STX8: variants seen among roughly 807,000 people sequenced by gnomAD.
STX8 encodes the protein syntaxin-8.
In STX8, 23 loss-of-function variants were observed where a neutral mutation model predicts 37.5. The observed-to-expected ratio is 0.61, with a 90% CI of 0.44 to 0.87. STX8 has a LOEUF of 0.87. Ranked by LOEUF, STX8 falls within the 40% of genes least tolerant of loss-of-function variation. STX8 has a pLI of 0.00. For synonymous variants in STX8, 115 were observed against 99.1 expected, an observed-to-expected ratio of 1.16 and a Z score of -0.95; for missense variants, 313 against 284.7, an observed-to-expected ratio of 1.10 and a Z score of -0.71.
At chr17:9,470,241 G>C (rs541796383) in intron 6 of STX8, among the ~76,000 whole-genome samples, 1 of 152,294 alleles carries the variant, frequency 6.6e-6, no homozygotes, top group East Asian at 1.9e-4. Flanking sequence ...AAACCGTTGA[G>C]ACCACATTAC....
Position 9,494,615 on chromosome 17 carries a change from CAAAAAAA to C in STX8, c.449-2701_449-2695del, listed in dbSNP as rs35806606. 4.4e-3 allele frequency among the ~76,000 whole-genome samples: 284 copies of C among 64,308 alleles called. 3 individuals are homozygous for C. The highest frequency in any genetic ancestry group is 0.016 in the African/African-American group (272 of 17,222). 42.2% of individuals were successfully genotyped at this position (64,308 alleles called of 152,430 possible). On this transcript the variant is annotated intron_variant, in intron 5 of 7. Coordinates refer to ENST00000306357, the MANE Select transcript of STX8 (RefSeq NM_004853.3). ...TGGGTAACAGAGTGAGAACCTGTCT[CAAAAAAA>C]AAAAAAAAAAAAAAAAAAAGATACA...
chr17:9,557,578 C>G, intron 2 of STX8, 50 bp from the exon 3 acceptor site: 1 of 1,530,038 alleles, frequency 6.5e-7, no homozygotes, highest in South Asian at 1.1e-5. Flanking sequence ...AATGTAGAAT[C>G]CACAAAATTA....
intron 7 of STX8, among the ~76,000 whole-genome samples, chr17:9,320,116 C>T (rs926627059): frequency 4.0e-5 from 6 of 151,792 alleles, no homozygotes; most frequent in African/African-American, 1.5e-4. Context: ...GGGCAGATCA[C>T]GAGGTCAGGA....
intron 4 of STX8, among the ~76,000 whole-genome samples, chr17:9,525,744 T>C (rs1371461196): frequency 1.3e-5 from 2 of 152,230 alleles, no homozygotes; most frequent in Non-Finnish European, 1.5e-5. Context: ...AGAGTTGTTT[T>C]GTGCAAGATA....
chr17:9,457,104 T>C (rs1905206736), intron 6 of STX8, among the ~76,000 whole-genome samples: 1 of 152,234 alleles, frequency 6.6e-6, no homozygotes, highest in Admixed American at 6.5e-5. Context: ...GCTGAGGTTC[T>C]GCAAAGTCAT....
At chr17:9,494,822 G>C (rs1952380938) in intron 5 of STX8, among the ~76,000 whole-genome samples, 1 of 151,808 alleles carries the variant, frequency 6.6e-6, no homozygotes, top group African/African-American at 2.4e-5. Flanking sequence ...TTGAACTGGG[G>C]GTCTCGGTCA....
intron 6 of STX8, among the ~76,000 whole-genome samples, chr17:9,474,834 T>C (rs1906032725): frequency 6.6e-6 from 1 of 151,924 alleles, no homozygotes; most frequent in African/African-American, 2.4e-5. Context: ...TAGCTGGGCG[T>C]GGTGGTGCAT....
At chr17:9,297,968 A>C (rs1275731199) in intron 7 of STX8, among the ~76,000 whole-genome samples, 1 of 152,214 alleles carries the variant, frequency 6.6e-6, no homozygotes. Context: ...TGTACCTAGC[A>C]AGGGTGGACC....
At position 9,254,407 on chromosome 17, in the gene STX8, C is replaced by CT. The variant is rs879587275; in HGVS notation, c.644-3763dup. ...GTTTCCATGGTAACTCTTATTAAAT[C>CT]TTTTTTTTTTTTGAGATGGAGTCTC... On this transcript the variant is annotated intron_variant, in intron 7 of 7. Transcript: ENST00000306357. Among the ~76,000 whole-genome samples, 184 of 147,062 alleles carry CT rather than the reference C, an allele frequency of 1.3e-3. 1 individual carries two copies. The highest frequency in any genetic ancestry group is 3.5e-3 in the East Asian group (18 of 5,078).
chr17:9,466,645 C>G (rs1234025335), intron 6 of STX8, among the ~76,000 whole-genome samples: 1 of 152,116 alleles, frequency 6.6e-6, no homozygotes, highest in Non-Finnish European at 1.5e-5. Flanking sequence ...GATATTAAAT[C>G]CCCAAATTCA....
At chr17:9,428,430 C>T (rs181575367) in intron 6 of STX8, among the ~76,000 whole-genome samples, 1,663 of 152,162 alleles carry the variant, frequency 0.011, 13 homozygotes, top group Non-Finnish European at 0.017. Flanking sequence ...TTAGTAGAGA[C>T]GGGGTTTCAC....
chr17:9,569,267 TA>T (rs1357794616), intron 1 of STX8, among the ~76,000 whole-genome samples: 3 of 152,152 alleles, frequency 2.0e-5, no homozygotes, highest in Admixed American at 6.5e-5. Flanking sequence ...AAGAAAGTCA[TA>T]AAACAATTAA....
chr17:9,571,207 G>A (rs1366438005), intron 1 of STX8, among the ~76,000 whole-genome samples: 2 of 152,134 alleles, frequency 1.3e-5, no homozygotes, highest in African/African-American at 4.8e-5. Context: ...TCCAGTCCTT[G>A]TGTTGTTATT....
At chr17:9,331,588 T>C (rs1909963287) in intron 7 of STX8, among the ~76,000 whole-genome samples, 1 of 152,118 alleles carries the variant, frequency 6.6e-6, no homozygotes, top group Non-Finnish European at 1.5e-5. Flanking sequence ...AAAATAAAAG[T>C]GCGTTTTTGT....
intron 7 of STX8, among the ~76,000 whole-genome samples, chr17:9,357,676 CA>C: frequency 6.6e-6 from 1 of 151,904 alleles, no homozygotes; most frequent in African/African-American, 2.4e-5. Flanking sequence ...AGCTGGACAA[CA>C]GAGTGAGACT....
chr17:9,575,153 A>T (rs1294586642), intron 1 of STX8, among the ~76,000 whole-genome samples: 2 of 152,254 alleles, frequency 1.3e-5, no homozygotes, highest in African/African-American at 2.4e-5. Flanking sequence ...CCTTGGGATT[A>T]ACTGCTAAAT....
At chr17:9,307,743 G>A (rs964000564) in intron 7 of STX8, among the ~76,000 whole-genome samples, 3 of 152,046 alleles carry the variant, frequency 2.0e-5, no homozygotes, top group African/African-American at 7.2e-5. Flanking sequence ...AGACTGGGAG[G>A]CATCAGAAAA....
chr17:9,499,047 C>A (rs76911914), intron 5 of STX8, among the ~76,000 whole-genome samples: 1 of 152,176 alleles, frequency 6.6e-6, no homozygotes, highest in Non-Finnish European at 1.5e-5. Flanking sequence ...TAATTTGTTA[C>A]GATGAGGCTT....
At chr17:9,559,754 A>ATTTTTT (rs1261471068) in intron 2 of STX8, among the ~76,000 whole-genome samples, 2 of 33,562 alleles carry the variant, frequency 6.0e-5, no homozygotes, top group African/African-American at 2.8e-4. Flanking sequence ...ATATATATAT[A>ATTTTTT]TATATATTTT....
Sources: gnomAD v4.1 joint callset for allele counts (sites outside exome capture counted in the v4.1 genomes callset) on GRCh38, gnomAD v4.1.1 for gene constraint, MANE v1.5 for transcripts, NCBI Gene and HGNC (gene_info 2026-07-23, HGNC 2026-07-21) for gene names.